PTPRA: variants seen among roughly 807,000 people sequenced by gnomAD.
PTPRA encodes receptor-type tyrosine-protein phosphatase alpha.
Under a neutral mutation model 104.8 loss-of-function variants are expected in PTPRA, and 25 were observed. That is an observed-to-expected ratio of 0.24 (90% CI 0.17 to 0.33). PTPRA has a LOEUF of 0.33. PTPRA is among the 10% of genes least tolerant of loss of function. The probability of loss-of-function intolerance (pLI) is 1.00; values close to 1 mark genes in which losing one functional copy is unlikely to be tolerated. For synonymous variants in PTPRA, 323 were observed against 368.9 expected, an observed-to-expected ratio of 0.88 and a Z score of 1.43; for missense variants, 765 against 1,015.3, an observed-to-expected ratio of 0.75 and a Z score of 3.35.
At chr20:2,887,628 G>A (rs1250724899) in intron 1 of PTPRA, among the ~76,000 whole-genome samples, 1 of 152,204 alleles carries the variant, frequency 6.6e-6, no homozygotes, top group Non-Finnish European at 1.5e-5. Flanking sequence ...TGTGCAAGTA[G>A]TTCTTAAATA....
At chr20:2,946,363 G>A (rs1037878519) in intron 2 of PTPRA, among the ~76,000 whole-genome samples, 3 of 152,074 alleles carry the variant, frequency 2.0e-5, no homozygotes, top group Non-Finnish European at 4.4e-5. Context: ...TAGCTCTGTA[G>A]TTTTGGACTA....
At chr20:2,889,478 A>G (rs1407508325) in intron 1 of PTPRA, among the ~76,000 whole-genome samples, 3 of 152,230 alleles carry the variant, frequency 2.0e-5, no homozygotes, top group Non-Finnish European at 4.4e-5. Context: ...TAAATGTAGT[A>G]AAACAGGTTT....
At chr20:3,000,708 T>A (rs12481535) in intron 9 of PTPRA, among the ~76,000 whole-genome samples, 56,616 of 152,016 alleles carry the variant, frequency 0.37, 11,297 homozygotes, top group East Asian at 0.68. Context: ...TAGCTGAAGT[T>A]AGCAGCCAGG....
intron 2 of PTPRA, among the ~76,000 whole-genome samples, chr20:2,928,017 C>T (rs2060367891): frequency 6.6e-6 from 1 of 151,282 alleles, no homozygotes; most frequent in South Asian, 2.1e-4. Context: ...CTCAGTCAAT[C>T]AATCAGTCAA....
At chr20:2,912,372 C>G (rs896342256) in intron 1 of PTPRA, among the ~76,000 whole-genome samples, 1 of 152,174 alleles carries the variant, frequency 6.6e-6, no homozygotes, top group Non-Finnish European at 1.5e-5. Flanking sequence ...ATTAATTATC[C>G]TAGCACTTTG....
chr20:3,035,472 G>T lies in PTPRA; in HGVS notation c.1921-113G>T. On this transcript the variant is annotated intron_variant, in intron 20 of 23. Coordinates refer to ENST00000399903, the MANE Select transcript of PTPRA (RefSeq NM_001385305.1). This position sits in a 1 kb window ranked among gnomAD's most constrained non-coding sequence, Gnocchi z 5.8. ...AAGTTTTCAATACCTTGGGGACGAA[G>T]CGTATCAGCGTAAGAGGTGGCTGTA... is the stretch of plus-strand genomic sequence containing the variant. The T allele has an allele frequency of 8.0e-7, 1 of 1,248,376 alleles. No homozygotes were observed. The highest frequency in any genetic ancestry group is 2.4e-5 in the East Asian group (1 of 42,426). 77.3% of individuals were successfully genotyped at this position (1,248,376 alleles called of 1,614,324 possible). A position where few individuals can be genotyped will look rare whatever the true frequency, so the allele number is the denominator to read the frequency against.
chr20:2,894,557 C>T (rs769503117), intron 1 of PTPRA, among the ~76,000 whole-genome samples: 3 of 151,370 alleles, frequency 2.0e-5, no homozygotes, highest in Non-Finnish European at 4.4e-5. Flanking sequence ...ATCTTCCAGC[C>T]TTGGCCTCCC....
intron 12 of PTPRA, among the ~76,000 whole-genome samples, chr20:3,016,469 C>T (rs61396321): frequency 0.076 from 11,504 of 152,266 alleles, 547 homozygotes; most frequent in East Asian, 0.23. Context: ...TAATTGAGGC[C>T]GGGCAGGGTG....
intron 1 of PTPRA, among the ~76,000 whole-genome samples, chr20:2,919,444 GA>G (rs2060024343): frequency 1.3e-5 from 2 of 152,156 alleles, no homozygotes; most frequent in South Asian, 4.1e-4. Context: ...TGTGTGTTTT[GA>G]ACTAAGGGAA....
At chr20:2,983,610 G>A (rs1370508949) in intron 6 of PTPRA, among the ~76,000 whole-genome samples, 2 of 146,730 alleles carry the variant, frequency 1.4e-5, no homozygotes, top group Non-Finnish European at 3.0e-5. Flanking sequence ...TGAAGTTTTA[G>A]ATATATCTCC....
chr20:3,021,990 C>T (rs925295907), intron 14 of PTPRA, 64 bp from the exon 15 acceptor site: 39 of 1,584,724 alleles, frequency 2.5e-5, no homozygotes, highest in Non-Finnish European at 2.8e-5. Context: ...TGTCACCTTC[C>T]CTCCCCTGGT....
intron 13 of PTPRA, among the ~76,000 whole-genome samples, chr20:3,018,259 G>A (rs975849338): frequency 3.9e-5 from 6 of 152,092 alleles, no homozygotes; most frequent in African/African-American, 1.2e-4. Context: ...TCATTCTTGG[G>A]TGTTTCTCAT....
At chr20:2,909,963 G>A (rs2059587027) in intron 1 of PTPRA, among the ~76,000 whole-genome samples, 19 of 113,444 alleles carry the variant, frequency 1.7e-4, no homozygotes, top group Admixed American at 1.2e-3. Flanking sequence ...TATAATATAT[G>A]ATATATATAT....
chr20:2,874,260 G>A (rs1392099567), intron 1 of PTPRA, among the ~76,000 whole-genome samples: 1 of 152,092 alleles, frequency 6.6e-6, no homozygotes, highest in Non-Finnish European at 1.5e-5. Context: ...GTTTAAGAAG[G>A]GAAATAAGGG....
intron 2 of PTPRA, among the ~76,000 whole-genome samples, chr20:2,939,216 C>G (rs558961018): frequency 2.0e-5 from 3 of 152,304 alleles, no homozygotes; most frequent in African/African-American, 7.2e-5. Flanking sequence ...ACATGGGTTG[C>G]TCAGAGGCAC....
intron 3 of PTPRA, among the ~76,000 whole-genome samples, chr20:2,951,455 A>G (rs2061351712): frequency 6.6e-6 from 1 of 152,078 alleles, no homozygotes; most frequent in African/African-American, 2.4e-5. Context: ...ACAGTGAATA[A>G]CTCACTCATA....
At chr20:2,865,024 T>C in the PTPRA span, 8 of 1,614,154 alleles carry the variant, frequency 5.0e-6, no homozygotes, top group African/African-American at 1.3e-5. The surrounding 1 kb of genome is among the most constrained non-coding windows in gnomAD (Gnocchi z 5.2). Context: ...GCCGATGCCT[T>C]CTACAAGGCC....
At chr20:3,031,939 G>A (rs190160628) in intron 20 of PTPRA, among the ~76,000 whole-genome samples, 1 of 152,106 alleles carries the variant, frequency 6.6e-6, no homozygotes, top group East Asian at 1.9e-4. Context: ...AACATCACTG[G>A]GCAAAAACAC....
At chr20:3,027,575 G>A (rs2065208107) in intron 19 of PTPRA, 132 bp from the exon 20 acceptor site, 1 of 1,242,392 alleles carries the variant, frequency 8.0e-7, no homozygotes, top group Non-Finnish European at 1.1e-6. Flanking sequence ...TTTCGTCCTT[G>A]GCCACAGGGG....
Sources: allele counts gnomAD v4.1 joint callset (sites outside exome capture counted in the v4.1 genomes callset), GRCh38; gene constraint gnomAD v4.1.1; non-coding constraint Gnocchi (gnomAD v3.1); transcripts MANE v1.5; gene names NCBI Gene and HGNC (gene_info 2026-07-23, HGNC 2026-07-21).